The following PTPRS variants were observed in gnomAD, a reference collection of about 807,000 sequenced individuals.
PTPRS encodes protein tyrosine phosphatase receptor type S.
PTPRS carries 63 observed loss-of-function variants against 215.3 expected under a neutral mutation model. The observed-to-expected ratio is 0.29, with a 90% CI of 0.24 to 0.36. PTPRS has a LOEUF of 0.36. PTPRS is among the 10% of genes least tolerant of loss of function. The pLI, the probability that PTPRS is intolerant of heterozygous loss-of-function variation, is 1.00. For missense variants in PTPRS, 2,258 were observed against 2,825.8 expected, an observed-to-expected ratio of 0.80 and a Z score of 4.56; for synonymous variants, 1,404 against 1,191.4, an observed-to-expected ratio of 1.18 and a Z score of -3.68.
Position 5,219,224 on chromosome 19 carries a change from T to C in PTPRS, c.3923+86A>G. The C allele has an allele frequency of 3.2e-6, 5 of 1,539,218 alleles. No homozygotes were observed. In the South Asian group the frequency reaches 5.7e-5, roughly 18 times the overall value. On this transcript the variant is annotated intron_variant, in intron 23 of 37. Transcript: ENST00000262963. ...CCATGTGTACAACAGAGACCTTTAG[T>C]GATGATTCTCTGAGACAACTCCTCC...
chr19:5,280,285 T>C (rs2047736695), intron 2 of PTPRS, among the ~76,000 whole-genome samples: 1 of 152,194 alleles, frequency 6.6e-6, no homozygotes, highest in Admixed American at 6.6e-5. Context: ...CCCCAACGCC[T>C]ACCCATCCAT....
Position 5,218,519 on chromosome 19 carries a change from A to C in PTPRS, c.3949T>G (p.Ser1317Ala). 1 of 1,614,106 alleles carries C rather than the reference A, an allele frequency of 6.2e-7. No individual in the cohort carries two copies. The highest frequency in any genetic ancestry group is 1.1e-5 in the South Asian group (1 of 91,088). ...KNKPDSKRKD[S>A]EPRTKCLLNN... ...AGGAGGCATTTGGTGCGGGGTTCTG[A>C]GTCCTTGCGTTTACTTTAGGAGAAG... The change falls in exon 25 of 38, where the codon TCA becomes GCA. Residue 1317 changes from serine (S) to alanine (A), a missense_variant. Physicochemically the swap from Ser to Ala is moderately conservative, Grantham distance 99. Coordinates refer to ENST00000262963, the MANE Select transcript of PTPRS (RefSeq NM_002850.4).
intron 4 of PTPRS, among the ~76,000 whole-genome samples, chr19:5,265,577 A>G (rs114883740): frequency 0.031 from 4,773 of 152,186 alleles, 233 homozygotes; most frequent in African/African-American, 0.11. Flanking sequence ...CCTGGCCCCA[A>G]GCAATCCTCC....
chr19:5,314,052 G>A (rs1295492476), intron 1 of PTPRS, among the ~76,000 whole-genome samples: 1 of 151,966 alleles, frequency 6.6e-6, no homozygotes, highest in African/African-American at 2.4e-5. Flanking sequence ...TGGAAGGATC[G>A]CTTGAGCCCA....
intron 1 of PTPRS, among the ~76,000 whole-genome samples, chr19:5,297,683 A>G (rs1393760718): frequency 6.6e-6 from 1 of 152,068 alleles, no homozygotes; most frequent in Non-Finnish European, 1.5e-5. Flanking sequence ...GGAGGAAGAG[A>G]GCAAATCAGA....
intron 24 of PTPRS, 26 bp from the exon 25 acceptor site, chr19:5,218,558 C>A (rs1222210357): frequency 6.2e-7 from 1 of 1,607,020 alleles, no homozygotes; most frequent in Non-Finnish European, 8.5e-7. Context: ...GCGGAACAGT[C>A]CAGTTAGTAG....
intron 4 of PTPRS, among the ~76,000 whole-genome samples, chr19:5,268,512 A>C (rs2046626922): frequency 6.6e-6 from 1 of 151,954 alleles, no homozygotes; most frequent in South Asian, 2.1e-4. Flanking sequence ...CCAGGCAAGC[A>C]GCAGGAGGGC....
chr19:5,210,833 G>T lies in PTPRS; in HGVS notation c.5235-28C>A. On this transcript the variant is annotated intron_variant, in intron 33 of 37. Coordinates refer to ENST00000262963, the MANE Select transcript of PTPRS (RefSeq NM_002850.4). The surrounding 1 kb of genome is among the most constrained non-coding windows in gnomAD (Gnocchi z 4.5). ...GCAGGCGTTGGGGGTATGAGCCCAGGGCCGGCAGGGAGACCCGGCGTGGTA... is the reference window on the plus strand; with the variant it reads ...GCAGGCGTTGGGGGTATGAGCCCAGTGCCGGCAGGGAGACCCGGCGTGGTA... 1 of 1,608,006 alleles carries T rather than the reference G, an allele frequency of 6.2e-7. No homozygotes were observed.
At chr19:5,273,150 G>A (rs566066214) in intron 4 of PTPRS, 46 of 444,492 alleles carry the variant, frequency 1.0e-4, no homozygotes, top group Middle Eastern at 6.6e-4. Flanking sequence ...TACCTTTCTC[G>A]CTTGAACCCA....
chr19:5,224,313 C>T (rs960044903), intron 17 of PTPRS, among the ~76,000 whole-genome samples: 25 of 150,288 alleles, frequency 1.7e-4, no homozygotes, highest in African/African-American at 5.9e-4. Flanking sequence ...GGTGTAGAGC[C>T]GGCACTGGGC....
chr19:5,312,705 T>C (rs537321696), intron 1 of PTPRS, among the ~76,000 whole-genome samples: 1 of 152,004 alleles, frequency 6.6e-6, no homozygotes, highest in African/African-American at 2.4e-5. Flanking sequence ...ATAGTAACAA[T>C]AACTGCTAAT....
In PTPRS at chr19:5,214,582, C is replaced by T. The variant is rs746085047; in HGVS notation, c.4473G>A (p.Thr1491=). Reference sequence around the variant, plus strand: ...TCACCCGTGACTTCTCCTCCAGCCGCGTCATCATGACGATGGTCGCCGACC... The same window carrying T: ...TCACCCGTGACTTCTCCTCCAGCCGTGTCATCATGACGATGGTCGCCGACC... ...EQRSATIVMM[T]RLEEKSRIKC... is the part of the protein sequence containing the mutation. The change falls in exon 29 of 38, where the codon ACG becomes ACA. Residue 1491 remains threonine (T), a synonymous_variant. Transcript: ENST00000262963. 57 of 1,612,012 alleles carry T rather than the reference C, an allele frequency of 3.5e-5. No homozygotes were observed. Among genetic ancestry groups the T allele is most frequent in the Admixed American group, 1.0e-4 (6 of 59,986 alleles).
intron 4 of PTPRS, among the ~76,000 whole-genome samples, chr19:5,270,029 CCT>C (rs2046773667): frequency 6.6e-6 from 1 of 151,826 alleles, no homozygotes; most frequent in South Asian, 2.1e-4. Context: ...CTTTTAATAC[CCT>C]GAGTGCTCAG....
rs62115096 is a variant in PTPRS, at chr19:5,268,911, T to C, written c.380-3715A>G. 3.5e-3 allele frequency among the ~76,000 whole-genome samples: 533 copies of C among 152,322 alleles called. 1 individual carries two copies. Among genetic ancestry groups the C allele is most frequent in the Admixed American group, 7.8e-3 (119 of 15,304 alleles). The stretch of plus-strand genomic sequence containing the variant: ...ACCCATCGGGGCCCTGAAGGGGGCA[T>C]GGCTGGATGCCGTCTGAGGCAGTTC... On this transcript the variant is annotated intron_variant, in intron 4 of 37. Transcript: ENST00000262963.
intron 19 of PTPRS, 45 bp from the exon 20 acceptor site, chr19:5,221,298 C>A: frequency 1.8e-5 from 28 of 1,574,120 alleles, no homozygotes; most frequent in Non-Finnish European, 2.3e-5. Context: ...GGCTCATGCC[C>A]ATGGACTGAG....
chr19:5,236,716 C>T (rs1049766383), intron 13 of PTPRS, among the ~76,000 whole-genome samples: 8 of 152,070 alleles, frequency 5.3e-5, no homozygotes, highest in African/African-American at 9.7e-5. Flanking sequence ...AGAGACCCTC[C>T]GGCCTCACTT....
intron 13 of PTPRS, among the ~76,000 whole-genome samples, chr19:5,235,231 C>T (rs886157699): frequency 2.6e-5 from 4 of 152,022 alleles, no homozygotes; most frequent in African/African-American, 9.7e-5. Flanking sequence ...TGAGCCGCCG[C>T]GCCCGGCCAA....
At chr19:5,282,957 G>A (rs569092823) in intron 2 of PTPRS, among the ~76,000 whole-genome samples, 70 of 152,322 alleles carry the variant, frequency 4.6e-4, no homozygotes, top group African/African-American at 1.7e-3. Flanking sequence ...TACCGTGGAT[G>A]TCCCTGTCTC....
At chr19:5,284,339 G>A (rs923184214) in intron 2 of PTPRS, among the ~76,000 whole-genome samples, 44 of 151,106 alleles carry the variant, frequency 2.9e-4, no homozygotes, top group African/African-American at 1.0e-3. Context: ...CAGCCTGGGC[G>A]ACAGAGTGAG....
Sources: gnomAD v4.1 joint callset for allele counts (sites outside exome capture counted in the v4.1 genomes callset) on GRCh38, gnomAD v4.1.1 for gene constraint, Gnocchi (gnomAD v3.1) non-coding constraint, MANE v1.5 for transcripts, NCBI Gene and HGNC (gene_info 2026-07-23, HGNC 2026-07-21) for gene names.